The following ACOT1 variants were observed in gnomAD, a reference collection of about 807,000 sequenced individuals.
ACOT1 encodes acyl-CoA thioesterase 1, also known as acyl-coenzyme A thioesterase 1.
A neutral mutation model predicts 15.7 loss-of-function variants in ACOT1; 8 were observed. The ratio of observed to expected loss-of-function variants is 0.51; its 90% confidence interval spans 0.30 to 0.92. The LOEUF (loss-of-function observed/expected upper bound fraction) is 0.92, where lower values mean the gene tolerates loss of function less well. Among genes scored for constraint, ACOT1 ranks in the 40% least tolerant of loss-of-function variants. The pLI is 0.06. For synonymous variants in ACOT1, 67 were observed against 241.2 expected (o/e 0.28, Z 6.69); for missense variants, 151 against 539.4 (o/e 0.28, Z 7.13).
At chr14:73,522,269 T>C in the ACOT1 span, 3 of 1,613,240 alleles carry the variant, frequency 1.9e-6, no homozygotes, top group Non-Finnish European at 2.5e-6. Flanking sequence ...CTGGCCAGTA[T>C]ACCTGTAGTA....
chr14:73,527,660 A>G, the ACOT1 span, among the ~76,000 whole-genome samples: 1 of 151,982 alleles, frequency 6.6e-6, no homozygotes, highest in Non-Finnish European at 1.5e-5. Context: ...AGAATTGGTG[A>G]GCTTGAAGAC....
the ACOT1 span, chr14:73,511,908 A>G: frequency 6.8e-7 from 1 of 1,467,610 alleles, no homozygotes; most frequent in Non-Finnish European, 9.4e-7. Context: ...CCACATTTGT[A>G]AAATGATCTC....
At chr14:73,527,939 T>TCA in the ACOT1 span, among the ~76,000 whole-genome samples, 2 of 92,790 alleles carry the variant, frequency 2.2e-5, no homozygotes, top group Non-Finnish European at 4.0e-5. Flanking sequence ...CCAGCCTGGG[T>TCA]AACAGGGGCA....
At chr14:73,518,950 A>G in the ACOT1 span, 1 of 1,473,580 alleles carries the variant, frequency 6.8e-7, no homozygotes. Context: ...TAGCACATGA[A>G]TAGTGGGTAA....
chr14:73,517,808 G>T, the ACOT1 span, among the ~76,000 whole-genome samples: 2 of 152,064 alleles, frequency 1.3e-5, no homozygotes, highest in Non-Finnish European at 2.9e-5. Context: ...AGAAAAAGAG[G>T]CTGGACACGG....
chr14:73,535,228 C>T (rs1472055771), upstream of ACOT1, among the ~76,000 whole-genome samples: 1 of 114,146 alleles, frequency 8.8e-6, no homozygotes, highest in Non-Finnish European at 1.9e-5. Context: ...TGAAGTTATA[C>T]TTAAAACAAA....
At chr14:73,540,435 GA>G (rs1339701574) in intron 1 of ACOT1, among the ~76,000 whole-genome samples, 1 of 112,036 alleles carries the variant, frequency 8.9e-6, no homozygotes, top group African/African-American at 3.0e-5. Flanking sequence ...CAAAAGAAAA[GA>G]AAAAAATAAA....
the ACOT1 span, chr14:73,522,224 G>C: frequency 6.4e-7 from 1 of 1,564,324 alleles, no homozygotes; most frequent in East Asian, 2.2e-5. Context: ...GTCCCTAAAG[G>C]GGAGTCAGGG....
the ACOT1 span, among the ~76,000 whole-genome samples, chr14:73,506,223 GT>G: frequency 5.3e-5 from 8 of 152,096 alleles, no homozygotes. Context: ...GTCAGTTTTT[GT>G]GCTATTTCAT....
chr14:73,521,662 A>C, the ACOT1 span, among the ~76,000 whole-genome samples: 1 of 152,232 alleles, frequency 6.6e-6, no homozygotes, highest in Non-Finnish European at 1.5e-5. Context: ...ATGAGATAGA[A>C]GCAATCTAAG....
chr14:73,517,299 G>A, the ACOT1 span: 1 of 152,268 alleles, frequency 6.6e-6, no homozygotes, highest in South Asian at 2.1e-4. Flanking sequence ...AGGCTCAAGC[G>A]ATCTGCCTGC....
chr14:73,519,300 TG>T, the ACOT1 span: 1 of 724,728 alleles, frequency 1.4e-6, no homozygotes, highest in South Asian at 2.6e-5. Context: ...TGCCATACTC[TG>T]GGGCATCCCT....
the ACOT1 span, among the ~76,000 whole-genome samples, chr14:73,507,508 G>A: frequency 9.9e-5 from 15 of 151,622 alleles, no homozygotes; most frequent in Admixed American, 5.3e-4. Context: ...ATCTCAGCTC[G>A]CTGCAGCCCC....
chr14:73,538,037 G>C lies in ACOT1; in HGVS notation c.457+159G>C, dbSNP rs1378474382. Reference sequence around the variant, plus strand: ...CCACCACCCCGGGCTATGTTGCCCAGGTAGGTCTTGAACTCCTGGACCCAA... The same window carrying C: ...CCACCACCCCGGGCTATGTTGCCCACGTAGGTCTTGAACTCCTGGACCCAA... On this transcript the variant is annotated intron_variant, in intron 1 of 2. Transcript: ENST00000311148. Among the ~76,000 whole-genome samples, 2 of 107,710 alleles carry C rather than the reference G, an allele frequency of 1.9e-5. 1 individual carries two copies. The highest frequency in any genetic ancestry group is 1.7e-3 in the East Asian group (2 of 1,178). The allele number at this position is 107,710 out of a possible 152,430, so 70.7% of individuals were successfully genotyped here. A position where few individuals can be genotyped will look rare whatever the true frequency, so the allele number is the denominator to read the frequency against.
In ACOT1 at chr14:73,537,340, G is replaced by A; in HGVS notation, c.-82G>A. ...AGTGGGCGTTTAGCCTGCGACGGCA[G>A]CCCGAGAGGAAGAGTTGGGCAGAGT... On this transcript the variant is annotated 5_prime_UTR_variant, in exon 1 of 3. Transcript: ENST00000311148. 1 of 1,149,010 alleles carries A rather than the reference G, an allele frequency of 8.7e-7. No homozygotes were observed. Among genetic ancestry groups the A allele is most frequent in the Non-Finnish European group, 1.2e-6 (1 of 861,836 alleles). The allele number at this position is 1,149,010 out of a possible 1,614,324, so 71.2% of individuals were successfully genotyped here. A position where few individuals can be genotyped will look rare whatever the true frequency, so the allele number is the denominator to read the frequency against.
chr14:73,541,699 A>T lies in ACOT1; in HGVS notation c.660+4A>T. 4.8e-6 allele frequency: 6 copies of T among 1,241,718 alleles called. 1 individual carries two copies. The highest frequency in any genetic ancestry group is 6.4e-6 in the Non-Finnish European group (6 of 933,932). The allele number at this position is 1,241,718 out of a possible 1,614,324, so 76.9% of individuals were successfully genotyped here. A position where few individuals can be genotyped will look rare whatever the true frequency, so the allele number is the denominator to read the frequency against. On this transcript the variant is annotated splice_donor_region_variant and intron_variant, in intron 2 of 2. Coordinates refer to ENST00000311148, the MANE Select transcript of ACOT1 (RefSeq NM_001037161.2). ...CTACTTGCTCAGTCATCCTGAGGTG[A>T]GTTCTTCTCTCAGATTTATGGGCTA...
At chr14:73,512,069 T>C in the ACOT1 span, 2 of 1,614,034 alleles carry the variant, frequency 1.2e-6, no homozygotes, top group Non-Finnish European at 1.7e-6. Context: ...CATGTGGTGA[T>C]AGCTTTGATC....
chr14:73,500,132 A>T, the ACOT1 span, among the ~76,000 whole-genome samples: 2 of 152,168 alleles, frequency 1.3e-5, no homozygotes, highest in African/African-American at 4.8e-5. Context: ...CAGGAGGCTG[A>T]GGCAGGAGAA....
At chr14:73,519,087 CTTG>C in the ACOT1 span, 1 of 1,613,936 alleles carries the variant, frequency 6.2e-7, no homozygotes, top group Admixed American at 1.7e-5. Context: ...TAGATAGCTG[CTTG>C]TTGTACCGAT....
Sources: gnomAD v4.1 joint callset for allele counts (sites outside exome capture counted in the v4.1 genomes callset) on GRCh38, gnomAD v4.1.1 for gene constraint, MANE v1.5 for transcripts, NCBI Gene and HGNC (gene_info 2026-07-23, HGNC 2026-07-21) for gene names.